Variants in SLCO6A1 observed in about 807,000 individuals in gnomAD.
The protein encoded by SLCO6A1 is cancer/testis antigen 48.
Under a neutral mutation model 72.7 loss-of-function variants are expected in SLCO6A1, and 65 were observed. That is an observed-to-expected ratio of 0.89 (90% CI 0.73 to 1.10). The LOEUF (loss-of-function observed/expected upper bound fraction) is 1.10. Among genes scored for constraint, SLCO6A1 ranks in the 50% least tolerant of loss-of-function variants. SLCO6A1 has a pLI of 0.00. For synonymous variants in SLCO6A1, 314 were observed against 298.2 expected, an observed-to-expected ratio of 1.05 and a Z score of -0.55; for missense variants, 874 against 872.6, an observed-to-expected ratio of 1.00 and a Z score of -0.02.
At chr5:102,495,135 A>T in intron 1 of SLCO6A1, among the ~76,000 whole-genome samples, 1 of 147,844 alleles carries the variant, frequency 6.8e-6, no homozygotes, top group Non-Finnish European at 1.5e-5. Context: ...AGAAGCCAGA[A>T]ACAAAAAAAC....
chr5:102,456,096 G>A (rs1040497755), intron 6 of SLCO6A1, among the ~76,000 whole-genome samples: 2 of 152,040 alleles, frequency 1.3e-5, no homozygotes, highest in Non-Finnish European at 2.9e-5. Flanking sequence ...GGTATTGATG[G>A]GATATACCTC....
chr5:102,438,466 T>A (rs1441397871), intron 7 of SLCO6A1, 151 bp downstream of exon 7: 1 of 542,422 alleles, frequency 1.8e-6, no homozygotes, highest in Non-Finnish European at 3.0e-6. Context: ...ATATTGACAC[T>A]ATGATGGCAA....
At chr5:102,385,718 G>C (rs938548660) in intron 12 of SLCO6A1, among the ~76,000 whole-genome samples, 2 of 150,804 alleles carry the variant, frequency 1.3e-5, no homozygotes, top group Non-Finnish European at 3.0e-5. Context: ...TTATTTTTCT[G>C]ATTTTGTTTA....
chr5:102,428,084 C>T (rs567071061), intron 7 of SLCO6A1, among the ~76,000 whole-genome samples: 1 of 151,330 alleles, frequency 6.6e-6, no homozygotes, highest in Admixed American at 6.6e-5. Context: ...GTTGGCCAAG[C>T]TGGTCTTGAA....
intron 4 of SLCO6A1, among the ~76,000 whole-genome samples, chr5:102,472,987 A>T (rs896758956): frequency 6.6e-6 from 1 of 152,044 alleles, no homozygotes; most frequent in African/African-American, 2.4e-5. Flanking sequence ...TCAGCCATCA[A>T]AAACCTCCCA....
rs533076900 is a variant in SLCO6A1, at chr5:102,498,878, C to A, written c.-34G>T. On this transcript the variant is annotated 5_prime_UTR_variant, in exon 1 of 14. Transcript: ENST00000506729. ...CTGGGCGGCTCCTGGCGACGCGGCCCGAGTGCTCTCGGCTGCCCGTCCTGC... is the reference window on the plus strand; with the variant it reads ...CTGGGCGGCTCCTGGCGACGCGGCCAGAGTGCTCTCGGCTGCCCGTCCTGC... 5.1e-6 allele frequency: 8 copies of A among 1,564,136 alleles called. No homozygotes were observed. The highest frequency in any genetic ancestry group is 6.9e-6 in the Non-Finnish European group (8 of 1,156,980).
intron 10 of SLCO6A1, 181 bp from the exon 11 acceptor site, chr5:102,391,226 C>A: frequency 1.7e-6 from 1 of 582,032 alleles, no homozygotes; most frequent in Non-Finnish European, 3.0e-6. Flanking sequence ...TTCTCCATAT[C>A]CTGCCCCTTG....
chr5:102,385,563 C>G (rs1209027881), intron 12 of SLCO6A1, among the ~76,000 whole-genome samples: 2 of 151,946 alleles, frequency 1.3e-5, no homozygotes, highest in African/African-American at 2.4e-5. Flanking sequence ...CTCACTGATT[C>G]TTTCTTCTGT....
chr5:102,421,525 C>A (rs1408278865), intron 7 of SLCO6A1, among the ~76,000 whole-genome samples: 1 of 152,100 alleles, frequency 6.6e-6, no homozygotes, highest in Non-Finnish European at 1.5e-5. Flanking sequence ...ACTGGTGGAA[C>A]CCCCAACAGC....
chr5:102,492,208 C>T (rs1752715684), intron 1 of SLCO6A1, among the ~76,000 whole-genome samples: 1 of 152,066 alleles, frequency 6.6e-6, no homozygotes. Context: ...GACACAAATC[C>T]AAACCATATC....
At chr5:102,392,947 A>G (rs1204334979) in intron 10 of SLCO6A1, among the ~76,000 whole-genome samples, 1 of 152,148 alleles carries the variant, frequency 6.6e-6, no homozygotes, top group African/African-American at 2.4e-5. Context: ...ATAAAAAAAC[A>G]TGGAACATTT....
At chr5:102,460,835 A>G (rs1750986630) in intron 4 of SLCO6A1, among the ~76,000 whole-genome samples, 1 of 134,240 alleles carries the variant, frequency 7.4e-6, no homozygotes, top group African/African-American at 2.8e-5. Flanking sequence ...TGCTAGCATT[A>G]TTAAGGAATA....
chr5:102,495,454 G>C (rs1752867543), intron 1 of SLCO6A1, among the ~76,000 whole-genome samples: 1 of 151,982 alleles, frequency 6.6e-6, no homozygotes, highest in Admixed American at 6.6e-5. Flanking sequence ...ATTTAGCCTG[G>C]CACTGTGGCG....
At chr5:102,427,585 T>C (rs1018054770) in intron 7 of SLCO6A1, among the ~76,000 whole-genome samples, 24 of 151,920 alleles carry the variant, frequency 1.6e-4, no homozygotes, top group African/African-American at 5.3e-4. Flanking sequence ...GACTGAGAAA[T>C]TGTCATAGCC....
intron 7 of SLCO6A1, 30 bp from the exon 8 acceptor site, chr5:102,420,051 A>G (rs778732891): frequency 1.3e-6 from 2 of 1,520,130 alleles, no homozygotes; most frequent in African/African-American, 1.4e-5. Flanking sequence ...AAACACAGTT[A>G]AAAATAATCA....
chr5:102,481,745 A>C lies in SLCO6A1; in HGVS notation c.359-1311T>G, dbSNP rs370300520. Among the ~76,000 whole-genome samples, 49 of 152,308 alleles carry C rather than the reference A, an allele frequency of 3.2e-4. No individual in the cohort carries two copies. The East Asian group carries it at 6.0e-3, about 19-fold the overall frequency. ...TATCATTTTACAGAAATGCTGTTAC[A>C]CTTTCTCCCAAAAAAGAGAGGTACA... On this transcript the variant is annotated intron_variant, in intron 1 of 13. Coordinates refer to ENST00000506729, the MANE Select transcript of SLCO6A1 (RefSeq NM_173488.5).
intron 12 of SLCO6A1, among the ~76,000 whole-genome samples, chr5:102,387,510 AT>A: frequency 6.6e-6 from 1 of 152,220 alleles, no homozygotes; most frequent in South Asian, 2.1e-4. Flanking sequence ...TTTTTGTTGA[AT>A]TGCCTCTAAC....
At chr5:102,433,124 C>T (rs1337741357) in intron 7 of SLCO6A1, among the ~76,000 whole-genome samples, 1 of 152,130 alleles carries the variant, frequency 6.6e-6, no homozygotes, top group African/African-American at 2.4e-5. Context: ...TCTATCAAGT[C>T]AGTTATGTTC....
chr5:102,441,758 A>T (rs2167584), intron 6 of SLCO6A1, among the ~76,000 whole-genome samples: 96,598 of 151,664 alleles, frequency 0.64, 30,951 homozygotes, highest in African/African-American at 0.66. Flanking sequence ...AAGTTTTTTT[A>T]GCATCTCTGT....
Sources: allele counts gnomAD v4.1 joint callset (sites outside exome capture counted in the v4.1 genomes callset), GRCh38; gene constraint gnomAD v4.1.1; transcripts MANE v1.5; gene names NCBI Gene and HGNC (gene_info 2026-07-23, HGNC 2026-07-21).